The following DACH1 variants were observed in gnomAD, a reference collection of about 807,000 sequenced individuals.
DACH1 encodes dachshund homolog 1.
In DACH1, 12 loss-of-function variants were observed where a neutral mutation model predicts 54.2. The observed-to-expected ratio is 0.22, with a 90% CI of 0.14 to 0.36. DACH1 has a LOEUF of 0.36. DACH1 is among the 10% of genes least tolerant of loss of function. DACH1 has a pLI of 1.00. For synonymous variants in DACH1, 386 were observed against 366.2 expected, an observed-to-expected ratio of 1.05 and a Z score of -0.62; for missense variants, 805 against 929.8, an observed-to-expected ratio of 0.87 and a Z score of 1.75.
At chr13:71,756,251 G>A (rs949090153) in intron 1 of DACH1, among the ~76,000 whole-genome samples, 7 of 151,572 alleles carry the variant, frequency 4.6e-5, no homozygotes, top group Non-Finnish European at 8.8e-5. Flanking sequence ...CACAGTGTTA[G>A]CCAGGATGGT....
intron 1 of DACH1, among the ~76,000 whole-genome samples, chr13:71,766,944 A>C (rs1182649351): frequency 6.6e-6 from 1 of 152,024 alleles, no homozygotes; most frequent in Non-Finnish European, 1.5e-5. Flanking sequence ...ACTATAGTCT[A>C]GATAAAGATA....
At chr13:71,831,094 T>G (rs1018520115) in intron 1 of DACH1, among the ~76,000 whole-genome samples, 7 of 151,864 alleles carry the variant, frequency 4.6e-5, no homozygotes, top group Non-Finnish European at 8.8e-5. Flanking sequence ...AATGACTGAA[T>G]AAAGTTAAAG....
In DACH1 at chr13:71,711,806, T is replaced by C. The variant is rs372915838; in HGVS notation, c.849-29896A>G. 1.7e-3 allele frequency among the ~76,000 whole-genome samples: 256 copies of C among 152,210 alleles called. 1 individual carries two copies. Among genetic ancestry groups the C allele is most frequent in the African/African-American group, 5.8e-3 (240 of 41,554 alleles). ...TATAAATGATATGATAAAAGTCACATGAGGAATGTTTTTGATACTTGCTAC... is the reference window on the plus strand; with the variant it reads ...TATAAATGATATGATAAAAGTCACACGAGGAATGTTTTTGATACTTGCTAC... On this transcript the variant is annotated intron_variant, in intron 1 of 10. Coordinates refer to ENST00000613252, the MANE Select transcript of DACH1 (RefSeq NM_080759.6).
intron 2 of DACH1, among the ~76,000 whole-genome samples, chr13:71,674,615 G>C (rs1880431617): frequency 1.3e-5 from 2 of 152,000 alleles, no homozygotes; most frequent in Admixed American, 1.3e-4. Context: ...GGGGTACCCT[G>C]CTGACACCAT....
chr13:71,468,157 C>T (rs916408511), intron 10 of DACH1, among the ~76,000 whole-genome samples: 6 of 152,018 alleles, frequency 3.9e-5, no homozygotes, highest in African/African-American at 1.4e-4. Context: ...AAGTCGATTT[C>T]CCAAAAAGGG....
chr13:71,525,380 T>C (rs1402025457), intron 6 of DACH1, among the ~76,000 whole-genome samples: 2 of 152,156 alleles, frequency 1.3e-5, no homozygotes, highest in Non-Finnish European at 2.9e-5. Flanking sequence ...ACATTTCTTT[T>C]TGTGATTCTT....
chr13:71,619,513 T>C (rs1300432523), intron 3 of DACH1, among the ~76,000 whole-genome samples: 1 of 151,946 alleles, frequency 6.6e-6, no homozygotes, highest in Non-Finnish European at 1.5e-5. Flanking sequence ...AAATGGTTCA[T>C]GTCAAGATAA....
chr13:71,648,636 C>T (rs1317557126), intron 2 of DACH1, among the ~76,000 whole-genome samples: 1 of 152,146 alleles, frequency 6.6e-6, no homozygotes, highest in Non-Finnish European at 1.5e-5. Context: ...CCAATCCCCT[C>T]TCAGTCGTTA....
intron 3 of DACH1, among the ~76,000 whole-genome samples, chr13:71,619,672 T>A (rs559525495): frequency 6.6e-6 from 1 of 151,964 alleles, no homozygotes; most frequent in African/African-American, 2.4e-5. Context: ...TTCAGTAAAT[T>A]CAGTTTATAT....
intron 2 of DACH1, among the ~76,000 whole-genome samples, chr13:71,645,374 G>C (rs1206231038): frequency 6.6e-6 from 1 of 152,184 alleles, no homozygotes. Context: ...GCATGTATGT[G>C]CGTAAACGAT....
At position 71,479,329 on chromosome 13, in the gene DACH1, G is replaced by A. The variant is rs539025961; in HGVS notation, c.1723-13C>T. The A allele has an allele frequency of 2.4e-4, 382 of 1,599,600 alleles. 2 individuals carry two copies. In the South Asian group the frequency reaches 4.1e-3, roughly 17 times the overall value. The stretch of plus-strand genomic sequence containing the variant: ...CTTTCAACAGCCCCTGTACAAAGAA[G>A]ATATTCGGAATGGTAATATTTTAAT... On this transcript the variant is annotated splice_polypyrimidine_tract_variant and intron_variant, in intron 7 of 10. Transcript: ENST00000613252.
intron 2 of DACH1, among the ~76,000 whole-genome samples, chr13:71,675,805 G>T (rs1395239062): frequency 6.6e-6 from 1 of 151,990 alleles, no homozygotes; most frequent in Non-Finnish European, 1.5e-5. Flanking sequence ...CCAGCATTTG[G>T]ATTTTTTTAA....
At chr13:71,528,765 G>A (rs904477327) in intron 6 of DACH1, among the ~76,000 whole-genome samples, 2 of 151,770 alleles carry the variant, frequency 1.3e-5, no homozygotes, top group African/African-American at 4.8e-5. Flanking sequence ...AACCTCACCT[G>A]GAAACTAAAG....
chr13:71,515,317 T>G (rs1209473985), intron 6 of DACH1, among the ~76,000 whole-genome samples: 2 of 151,984 alleles, frequency 1.3e-5, no homozygotes, highest in Admixed American at 1.3e-4. Context: ...CAGCTTATTT[T>G]AGGCTTGTAT....
intron 1 of DACH1, among the ~76,000 whole-genome samples, chr13:71,708,521 C>A (rs927338853): frequency 6.6e-6 from 1 of 152,050 alleles, no homozygotes; most frequent in Admixed American, 6.6e-5. Flanking sequence ...TAGAAGTTTT[C>A]TGGTGTTTCC....
At chr13:71,824,331 C>T (rs1170002758) in intron 1 of DACH1, among the ~76,000 whole-genome samples, 1 of 151,594 alleles carries the variant, frequency 6.6e-6, no homozygotes, top group Non-Finnish European at 1.5e-5. Context: ...TAAAATAAGG[C>T]AACATATGTC....
chr13:71,462,513 A>C (rs113088180), intron 10 of DACH1, among the ~76,000 whole-genome samples: 1 of 151,612 alleles, frequency 6.6e-6, no homozygotes, highest in Non-Finnish European at 1.5e-5. Context: ...TATGTATCAC[A>C]TACAGAAAAA....
intron 1 of DACH1, among the ~76,000 whole-genome samples, chr13:71,839,559 A>C (rs1470269725): frequency 1.3e-5 from 2 of 152,264 alleles, no homozygotes; most frequent in South Asian, 2.1e-4. Flanking sequence ...GTGAGCAGAG[A>C]TCATGCCACT....
chr13:71,641,714 G>A (rs1877911353), intron 2 of DACH1, among the ~76,000 whole-genome samples: 1 of 152,092 alleles, frequency 6.6e-6, no homozygotes, highest in Non-Finnish European at 1.5e-5. Flanking sequence ...AATGTTAAAG[G>A]GAATGAAGCC....
Sources: allele counts gnomAD v4.1 joint callset (sites outside exome capture counted in the v4.1 genomes callset), GRCh38; gene constraint gnomAD v4.1.1; transcripts MANE v1.5; gene names NCBI Gene and HGNC (gene_info 2026-07-23, HGNC 2026-07-21).